RBFOX1: variants seen among roughly 807,000 people sequenced by gnomAD.
RBFOX1 encodes RNA binding fox-1 homolog 1.
In RBFOX1, 8 loss-of-function variants were observed where a neutral mutation model predicts 57.7. That is an observed-to-expected ratio of 0.14 (90% CI 0.08 to 0.25). The LOEUF is 0.25. Among genes scored for constraint, RBFOX1 ranks in the 10% least tolerant of loss-of-function variants. RBFOX1 has a pLI of 1.00. For synonymous variants in RBFOX1, 326 were observed against 222.4 expected, an observed-to-expected ratio of 1.47 and a Z score of -4.15; for missense variants, 611 against 548.5, an observed-to-expected ratio of 1.11 and a Z score of -1.14.
intron 3 of RBFOX1, among the ~76,000 whole-genome samples, chr16:6,839,597 T>A (rs1341791335): frequency 6.6e-6 from 1 of 152,154 alleles, no homozygotes; most frequent in Non-Finnish European, 1.5e-5. Context: ...ATATTGAACT[T>A]GTCTTTCGGG....
intron 1 of RBFOX1, among the ~76,000 whole-genome samples, chr16:5,309,448 T>G (rs1567314751): frequency 6.6e-6 from 1 of 152,242 alleles, no homozygotes; most frequent in Non-Finnish European, 1.5e-5. Flanking sequence ...GAAGTTTACC[T>G]AGAGGTTCAT....
chr16:5,993,386 A>T (rs62015773), intron 4 of RBFOX1, among the ~76,000 whole-genome samples: 1,338 of 31,030 alleles, frequency 0.043, 11 homozygotes, highest in Non-Finnish European at 0.06. Flanking sequence ...TGTGTGTGTG[A>T]GAGAGAGAGA....
intron 3 of RBFOX1, among the ~76,000 whole-genome samples, chr16:6,888,515 C>G (rs368161461): frequency 1.3e-5 from 2 of 152,140 alleles, no homozygotes; most frequent in African/African-American, 4.8e-5. Flanking sequence ...CACTCTCTGT[C>G]TACCGAGAAA....
At chr16:7,579,723 A>C in intron 5 of RBFOX1, 54 bp from the exon 6 acceptor site, 5 of 1,607,030 alleles carry the variant, frequency 3.1e-6, no homozygotes, top group Non-Finnish European at 4.3e-6. Context: ...AGAGCATCGG[A>C]AGAGAGCACT....
At chr16:7,002,150 T>C (rs1320543850) in intron 3 of RBFOX1, among the ~76,000 whole-genome samples, 4 of 152,044 alleles carry the variant, frequency 2.6e-5, no homozygotes, top group African/African-American at 4.8e-5. Flanking sequence ...TCTAGGGTTA[T>C]TGTGGCCATC....
chr16:6,344,179 T>C (rs143557187), intron 2 of RBFOX1, among the ~76,000 whole-genome samples: 1 of 151,530 alleles, frequency 6.6e-6, no homozygotes, highest in African/African-American at 2.4e-5. Flanking sequence ...CATGCCTCAG[T>C]AGCTAGGATT....
intron 4 of RBFOX1, among the ~76,000 whole-genome samples, chr16:7,188,694 T>C (rs893862861): frequency 6.6e-6 from 1 of 152,190 alleles, no homozygotes; most frequent in East Asian, 1.9e-4. Flanking sequence ...GTTTCATTTA[T>C]TCTGCTGCAG....
At chr16:7,262,018 G>T (rs1350770961) in intron 4 of RBFOX1, among the ~76,000 whole-genome samples, 1 of 152,066 alleles carries the variant, frequency 6.6e-6, no homozygotes, top group Non-Finnish European at 1.5e-5. Context: ...TTCTCTGTTG[G>T]TTCCTTTTTC....
At chr16:7,321,689 T>A (rs1247969917) in intron 4 of RBFOX1, among the ~76,000 whole-genome samples, 1 of 152,158 alleles carries the variant, frequency 6.6e-6, no homozygotes, top group Non-Finnish European at 1.5e-5. Context: ...GTTTGGCAAA[T>A]AATAAATGGC....
chr16:7,519,394 G>C (rs935390460), intron 5 of RBFOX1, among the ~76,000 whole-genome samples: 1 of 152,152 alleles, frequency 6.6e-6, no homozygotes, highest in African/African-American at 2.4e-5. Context: ...GTATCTTAAT[G>C]GTGACGGTTA....
intron 3 of RBFOX1, among the ~76,000 whole-genome samples, chr16:6,844,336 T>C (rs2093647251): frequency 6.6e-6 from 1 of 152,158 alleles, no homozygotes; most frequent in African/African-American, 2.4e-5. Flanking sequence ...AGGTATTCTT[T>C]CTGATGCTCT....
chr16:6,320,029 T>C (rs771842487), intron 2 of RBFOX1, among the ~76,000 whole-genome samples: 8 of 152,088 alleles, frequency 5.3e-5, no homozygotes, highest in Non-Finnish European at 5.9e-5. Flanking sequence ...TATTGACCAA[T>C]AAGAATTGCG....
At chr16:7,689,661 A>G (rs554734883) in intron 14 of RBFOX1, among the ~76,000 whole-genome samples, 1 of 152,222 alleles carries the variant, frequency 6.6e-6, no homozygotes, top group South Asian at 2.1e-4. Flanking sequence ...GGTAGAATAT[A>G]GAAAAGTTGT....
At chr16:7,374,842 G>C (rs2097654320) in intron 4 of RBFOX1, among the ~76,000 whole-genome samples, 1 of 152,150 alleles carries the variant, frequency 6.6e-6, no homozygotes, top group East Asian at 1.9e-4. Flanking sequence ...TGCGTATTTT[G>C]AAATAGGTGG....
At chr16:6,744,104 C>T (rs2072997822) in intron 3 of RBFOX1, among the ~76,000 whole-genome samples, 1 of 151,914 alleles carries the variant, frequency 6.6e-6, no homozygotes, top group Admixed American at 6.6e-5. Flanking sequence ...TGATATCACA[C>T]AAATAGATTC....
intron 1 of RBFOX1, among the ~76,000 whole-genome samples, chr16:6,311,863 C>T (rs572539405): frequency 3.5e-4 from 53 of 152,134 alleles, no homozygotes; most frequent in Non-Finnish European, 6.3e-4. Context: ...TGGGCACTAA[C>T]CTCTCTACCA....
intron 1 of RBFOX1, among the ~76,000 whole-genome samples, chr16:6,208,650 T>C (rs2097271387): frequency 6.6e-6 from 1 of 152,228 alleles, no homozygotes; most frequent in Non-Finnish European, 1.5e-5. Context: ...TGGCCATGTT[T>C]TAATCGTTCT....
chr16:6,972,676 G>T (rs1042724165), intron 3 of RBFOX1, among the ~76,000 whole-genome samples: 2 of 152,140 alleles, frequency 1.3e-5, no homozygotes, highest in Non-Finnish European at 2.9e-5. Flanking sequence ...GACAACCTGA[G>T]TGGAGGGCTG....
intron 4 of RBFOX1, among the ~76,000 whole-genome samples, chr16:5,956,831 G>C (rs187036482): frequency 1.6e-3 from 229 of 147,148 alleles, no homozygotes; most frequent in Non-Finnish European, 2.2e-3. Flanking sequence ...CACCATGCCT[G>C]GCTAATTTTT....
Sources: gnomAD v4.1 joint callset for allele counts (sites outside exome capture counted in the v4.1 genomes callset) on GRCh38, gnomAD v4.1.1 for gene constraint, MANE v1.5 for transcripts, NCBI Gene and HGNC (gene_info 2026-07-23, HGNC 2026-07-21) for gene names.